PDGFRB: variants seen among roughly 807,000 people sequenced by gnomAD.
The protein encoded by PDGFRB is platelet-derived growth factor receptor beta.
A neutral mutation model predicts 120.2 loss-of-function variants in PDGFRB; 42 were observed. That is an observed-to-expected ratio of 0.35 (90% CI 0.27 to 0.45). The LOEUF (loss-of-function observed/expected upper bound fraction) is 0.45. Among genes scored for constraint, PDGFRB ranks in the 20% least tolerant of loss-of-function variants. The pLI is 1.00. For missense variants in PDGFRB, 1,149 were observed against 1,476.3 expected (o/e 0.78, Z 3.63); for synonymous variants, 586 against 606.8 (o/e 0.97, Z 0.50).
intron 2 of PDGFRB, 82 bp from the exon 3 acceptor site, chr5:150,135,960 A>G: frequency 2.2e-6 from 2 of 896,540 alleles, no homozygotes; most frequent in Non-Finnish European, 3.4e-6. Context: ...GAGGCCACGT[A>G]TGCACAGCCC....
chr5:150,135,641 A>C lies in PDGFRB; in HGVS notation c.278T>G (p.Leu93Arg), dbSNP rs761665285. 17 of 1,613,834 alleles carry C rather than the reference A, an allele frequency of 1.1e-5. No individual in the cohort carries two copies. The highest frequency in any genetic ancestry group is 1.4e-5 in the Non-Finnish European group (17 of 1,179,846). Reference sequence around the variant, plus strand: ...GGTGCAAAAGTATTCTCCCGTGTCTAGCCCAGTGAGGTTGGTCAGTGTGAG... The same window carrying C: ...GGTGCAAAAGTATTCTCCCGTGTCTCGCCCAGTGAGGTTGGTCAGTGTGAG... ...SVLTLTNLTGLDTGEYFCTHN... is the reference protein window; with the variant it reads ...SVLTLTNLTGRDTGEYFCTHN... The change falls in exon 3 of 23, where the codon CTA becomes CGA. Residue 93 changes from leucine (L) to arginine (R), a missense_variant. Coordinates refer to ENST00000261799, the MANE Select transcript of PDGFRB (RefSeq NM_002609.4).
Position 150,123,120 on chromosome 5 carries a change from T to G in PDGFRB, c.2105A>C (p.Gln702Pro). ...YLHRNKHTFL[Q>P]HHSDKRRPPS... is the part of the protein sequence containing the mutation. The stretch of plus-strand genomic sequence containing the variant: ...CGGGCGGCGCTTGTCGGAGTGGTGC[T>G]GCAGGAAGGTGTGTTTGTTGCGGTG... The change falls in exon 15 of 23, where the codon CAG (glutamine) becomes CCG (proline). Residue 702 changes from glutamine (Q) to proline (P), a missense_variant. Around this residue, in one of 3 missense-constraint regions of PDGFRB, gnomAD observed 879 missense variants for 1,108.6 expected, o/e 0.79. Transcript: ENST00000261799. 1.9e-6 allele frequency: 3 copies of G among 1,614,056 alleles called. No individual in the cohort carries two copies. Among genetic ancestry groups the G allele is most frequent in the Non-Finnish European group, 2.5e-6 (3 of 1,179,986 alleles).
At position 150,151,948 on chromosome 5, in the gene PDGFRB, T is replaced by A. The variant is rs147652410; in HGVS notation, c.-7+3449A>T. 1.6e-3 allele frequency among the ~76,000 whole-genome samples: 236 copies of A among 150,418 alleles called. 3 individuals carry two copies. Among genetic ancestry groups the A allele is most frequent in the South Asian group, 5.4e-3 (26 of 4,822 alleles). ...GGTTTATTTATTTATTTATTTATTTTTTTTGAGACAGTCTTGCCCTGTCGC... is the reference window on the plus strand; with the variant it reads ...GGTTTATTTATTTATTTATTTATTTATTTTGAGACAGTCTTGCCCTGTCGC... On this transcript the variant is annotated intron_variant, in intron 1 of 22. Coordinates refer to ENST00000261799, the MANE Select transcript of PDGFRB (RefSeq NM_002609.4).
At chr5:150,144,338 G>A (rs553721986) in intron 1 of PDGFRB, among the ~76,000 whole-genome samples, 12 of 152,198 alleles carry the variant, frequency 7.9e-5, no homozygotes, top group Admixed American at 1.3e-4. Context: ...CTTCCGGCCC[G>A]GCCCTGACAG....
intron 22 of PDGFRB, among the ~76,000 whole-genome samples, chr5:150,116,640 TA>T (rs1176501037): frequency 0.014 from 2,020 of 141,080 alleles, 54 homozygotes; most frequent in African/African-American, 0.048. Flanking sequence ...ATAAAAATAA[TA>T]AAAAAAAAAA....
intron 14 of PDGFRB, among the ~76,000 whole-genome samples, chr5:150,123,924 T>C (rs987455314): frequency 6.6e-6 from 1 of 152,222 alleles, no homozygotes; most frequent in African/African-American, 2.4e-5. Flanking sequence ...ATGGTGGGCA[T>C]ATAACTCATC....
chr5:150,128,823 C>G (rs895184892), intron 10 of PDGFRB, among the ~76,000 whole-genome samples: 1 of 152,242 alleles, frequency 6.6e-6, no homozygotes, highest in African/African-American at 2.4e-5. Context: ...TCTGCCTTCT[C>G]TCTCTGGACT....
At chr5:150,149,853 C>T (rs1304970803) in intron 1 of PDGFRB, among the ~76,000 whole-genome samples, 1 of 152,142 alleles carries the variant, frequency 6.6e-6, no homozygotes, top group Non-Finnish European at 1.5e-5. Context: ...CTTGGGTTTC[C>T]ACTTCTCAGA....
Position 150,121,055 on chromosome 5 carries a change from G to T in PDGFRB, c.2464-45C>A. 1.2e-6 allele frequency: 2 copies of T among 1,605,614 alleles called. No individual in the cohort carries two copies. Among genetic ancestry groups the T allele is most frequent in the Non-Finnish European group, 1.7e-6 (2 of 1,172,438 alleles). On this transcript the variant is annotated intron_variant, in intron 17 of 22. Transcript: ENST00000261799. The surrounding 1 kb of genome is among the most constrained non-coding windows in gnomAD (Gnocchi z 4.1). ...AGCTGAGGCCTTGGGGACAATTGTG[G>T]GGAAAGACCCTTCATGTCAAGGGCT...
At chr5:150,133,436 A>C in intron 6 of PDGFRB, 150 bp downstream of exon 6, 3 of 700,476 alleles carry the variant, frequency 4.3e-6, no homozygotes, top group Non-Finnish European at 5.1e-6. Context: ...GGCTGACTAT[A>C]CCCCGGGGCT....
In PDGFRB at chr5:150,135,787, G is replaced by A. The variant is rs1562013098; in HGVS notation, c.132C>T (p.Leu44=). Residue 44 remains leucine (L), a synonymous_variant, in exon 3 of 23, where the codon CTC becomes CTT. Transcript: ENST00000261799. ...TCAGAACGAAGGTGCTGGAGACATT[G>A]AGGACAAGCTCTGGCCCCGGGGGTG... ...VVTPPGPELV[L]NVSSTFVLTC... is the part of the protein sequence containing the mutation. 1 of 1,608,708 alleles carries A rather than the reference G, an allele frequency of 6.2e-7. No individual in the cohort carries two copies. Among genetic ancestry groups the A allele is most frequent in the Non-Finnish European group, 8.5e-7 (1 of 1,177,240 alleles).
At position 150,123,070 on chromosome 5, in the gene PDGFRB, C is replaced by A; in HGVS notation, c.2155G>T (p.Ala719Ser). The part of the protein sequence containing the change: ...RPPSAELYSN[A>S]LPVGLPLPSH... ...GGCAGGGGGAGCCCAACGGGCAGAG[C>A]ATTGCTGTAGAGCTCCGCGCTGGGC... The change falls in exon 15 of 23, where the codon GCT becomes TCT. Residue 719 changes from alanine to serine, a missense_variant. Transcript: ENST00000261799. The A allele has an allele frequency of 1.2e-6, 2 of 1,613,662 alleles. No individual in the cohort carries two copies. The highest frequency in any genetic ancestry group is 1.7e-6 in the Non-Finnish European group (2 of 1,179,970).
Position 150,121,076 on chromosome 5 carries a change from G to C in PDGFRB, c.2464-66C>G. ...TGTGGGGAAAGACCCTTCATGTCAA[G>C]GGCTTTGGGAAAATACAACACTGCC... On this transcript the variant is annotated intron_variant, in intron 17 of 22. Transcript: ENST00000261799. The surrounding 1 kb of genome is among the most constrained non-coding windows in gnomAD (Gnocchi z 4.1). 6.4e-7 allele frequency: 1 copy of C among 1,570,990 alleles called. No individual in the cohort carries two copies. Among genetic ancestry groups the C allele is most frequent in the East Asian group, 2.2e-5 (1 of 44,646 alleles).
In PDGFRB at chr5:150,124,310, T is replaced by G. The variant is rs1357207675; in HGVS notation, c.1963A>C (p.Met655Leu). ...KQALMSELKI[M>L]SHLGPHLNVV... Reference sequence around the variant, plus strand: ...TTCAGGTGGGGCCCAAGGTGACTCATGATCTTCAGCTCCGACATAAGGGCT... The same window carrying G: ...TTCAGGTGGGGCCCAAGGTGACTCAGGATCTTCAGCTCCGACATAAGGGCT... Residue 655 changes from methionine (M) to leucine (L), a missense_variant, in exon 14 of 23, where the codon ATG becomes CTG. Met to Leu is a conservative substitution (Grantham distance 15, BLOSUM62 2). This residue lies in a region of PDGFRB where 879 missense variants were observed against 1,108.6 expected (regional missense o/e 0.79). Transcript: ENST00000261799. The G allele has an allele frequency of 6.2e-7, 1 of 1,614,006 alleles. No homozygotes were observed. The highest frequency in any genetic ancestry group is 2.2e-5 in the East Asian group (1 of 44,888).
intron 1 of PDGFRB, among the ~76,000 whole-genome samples, chr5:150,140,709 C>T (rs1760761158): frequency 6.6e-6 from 1 of 151,238 alleles, no homozygotes; most frequent in South Asian, 2.1e-4. Context: ...ACTGGGAACT[C>T]CAAGTCAAAA....
At chr5:150,126,423 G>A (rs543871074) in intron 11 of PDGFRB, 97 bp downstream of exon 11, 11 of 768,702 alleles carry the variant, frequency 1.4e-5, no homozygotes, top group South Asian at 1.3e-4. Context: ...CCCTGCATGT[G>A]GCCAGATCAC....
intron 1 of PDGFRB, among the ~76,000 whole-genome samples, chr5:150,137,671 C>T (rs962179451): frequency 4.6e-5 from 7 of 152,264 alleles, no homozygotes; most frequent in East Asian, 3.9e-4. Flanking sequence ...CAGGGGACAG[C>T]GGCTAGGGGC....
intron 1 of PDGFRB, among the ~76,000 whole-genome samples, chr5:150,151,603 A>G (rs962626065): frequency 1.1e-4 from 17 of 152,192 alleles, no homozygotes; most frequent in Non-Finnish European, 2.4e-4. Flanking sequence ...TCACGCCTGT[A>G]ATCCCAGCAC....
At chr5:150,147,288 C>T (rs956879570) in intron 1 of PDGFRB, among the ~76,000 whole-genome samples, 28 of 152,354 alleles carry the variant, frequency 1.8e-4, no homozygotes, top group African/African-American at 6.3e-4. Context: ...TCATCTCCGG[C>T]CGGTGCCATG....
Sources: gnomAD v4.1 joint callset for allele counts (sites outside exome capture counted in the v4.1 genomes callset) on GRCh38, gnomAD v4.1.1 for gene constraint, gnomAD v4.1.1 regional missense constraint, Gnocchi (gnomAD v3.1) non-coding constraint, MANE v1.5 for transcripts, NCBI Gene and HGNC (gene_info 2026-07-23, HGNC 2026-07-21) for gene names.